RUNX1T1: variants seen among roughly 807,000 people sequenced by gnomAD.
RUNX1T1 encodes protein CBFA2T1.
A neutral mutation model predicts 62.8 loss-of-function variants in RUNX1T1; 4 were observed. The ratio of observed to expected loss-of-function variants is 0.06; its 90% CI spans 0.03 to 0.15. The LOEUF (loss-of-function observed/expected upper bound fraction) is 0.15. RUNX1T1 is among the 10% of genes least tolerant of loss of function. The pLI is 1.00. For missense variants in RUNX1T1, 508 were observed against 754.3 expected (o/e 0.67, Z 3.82); for synonymous variants, 291 against 286.0 (o/e 1.02, Z -0.18).
intron 1 of RUNX1T1, among the ~76,000 whole-genome samples, chr8:92,093,473 A>T (rs1451502759): frequency 1.3e-5 from 2 of 152,224 alleles, no homozygotes; most frequent in Non-Finnish European, 2.9e-5. Context: ...TGAAATACAC[A>T]TATTAATCTA....
rs115735324 is a variant in RUNX1T1 at position 92,047,614 on chromosome 8, G to A, written c.7+14932C>T. 7.8e-3 allele frequency among the ~76,000 whole-genome samples: 1,183 copies of A among 152,190 alleles called. 9 individuals are homozygous for A. Among genetic ancestry groups the A allele is most frequent in the African/African-American group, 0.026 (1,090 of 41,500 alleles). On this transcript the variant is annotated intron_variant, in intron 1 of 10. Transcript: ENST00000396218. ...GAAAAAAGTATAGCATGTATTAAGA[G>A]TTCAATAAATACTTGCTGCATGACT...
chr8:92,025,557 C>A (rs1350553805), intron 1 of RUNX1T1, among the ~76,000 whole-genome samples: 1 of 152,182 alleles, frequency 6.6e-6, no homozygotes, highest in Admixed American at 6.5e-5. Flanking sequence ...AGCCAGAAAC[C>A]TTTTGCTGAC....
chr8:92,056,190 T>C (rs1831006139), intron 1 of RUNX1T1, among the ~76,000 whole-genome samples: 1 of 152,150 alleles, frequency 6.6e-6, no homozygotes, highest in Non-Finnish European at 1.5e-5. Flanking sequence ...ATAACGAGAC[T>C]CTCAAAAGCA....
At chr8:92,092,313 G>A (rs1453869187) in intron 1 of RUNX1T1, among the ~76,000 whole-genome samples, 2 of 152,110 alleles carry the variant, frequency 1.3e-5, no homozygotes, top group East Asian at 1.9e-4. Flanking sequence ...TCCTAGCAAT[G>A]TCACTAGTAA....
intron 1 of RUNX1T1, among the ~76,000 whole-genome samples, chr8:92,076,957 A>T (rs1424800073): frequency 6.6e-6 from 1 of 152,098 alleles, no homozygotes; most frequent in Non-Finnish European, 1.5e-5. Flanking sequence ...AATCATACAC[A>T]TATAAGGTAG....
chr8:92,052,594 A>T (rs144748962), intron 1 of RUNX1T1, among the ~76,000 whole-genome samples: 1 of 152,336 alleles, frequency 6.6e-6, no homozygotes, highest in Non-Finnish European at 1.5e-5. Context: ...AAGGGGCATT[A>T]TCTATAGAAT....
chr8:92,023,333 T>C lies in RUNX1T1; in HGVS notation c.8-5970A>G, dbSNP rs535935463. On this transcript the variant is annotated intron_variant, in intron 1 of 10. Transcript: ENST00000396218. ...ATTCTCTGGTTTCTTTCTATAGATA[T>C]GGCTTATGATCATTACAAACACAAA... Among the ~76,000 whole-genome samples, 63 of 152,358 alleles carry C rather than the reference T, an allele frequency of 4.1e-4. 1 individual carries two copies. Among genetic ancestry groups the C allele is most frequent in the Middle Eastern group, 3.4e-3 (1 of 294 alleles).
At chr8:91,956,924 A>G (rs1393856349), downstream of RUNX1T1, 2 of 199,876 alleles carry the variant, frequency 1.0e-5, no homozygotes, top group Non-Finnish European at 2.1e-5. Context: ...TTGCATAAGT[A>G]AACCAGCCTT....
At chr8:92,026,627 C>G (rs1825200535) in intron 1 of RUNX1T1, among the ~76,000 whole-genome samples, 1 of 151,816 alleles carries the variant, frequency 6.6e-6, no homozygotes, top group Non-Finnish European at 1.5e-5. Flanking sequence ...TGAGACCATC[C>G]TGGCTAACAC....
intron 5 of RUNX1T1, among the ~76,000 whole-genome samples, chr8:91,996,391 C>T (rs138653078): frequency 0.013 from 2,036 of 152,110 alleles, 41 homozygotes; most frequent in African/African-American, 0.045. Context: ...TTAGTAGAGA[C>T]GGGGTTTCAC....
At chr8:92,036,957 C>G (rs1428257902) in intron 1 of RUNX1T1, among the ~76,000 whole-genome samples, 2 of 152,158 alleles carry the variant, frequency 1.3e-5, no homozygotes, top group Non-Finnish European at 1.5e-5. Flanking sequence ...ATGTCCTGAG[C>G]TTCAGATTTG....
rs922240393 is a variant in RUNX1T1, at chr8:91,967,925, G to A, written c.1458+2733C>T. 6.6e-5 allele frequency among the ~76,000 whole-genome samples: 10 copies of A among 152,238 alleles called. 1 individual carries two copies. The highest frequency in any genetic ancestry group is 6.5e-4 in the Admixed American group (10 of 15,288). Reference sequence around the variant, plus strand: ...GTAGGAATACTTTAGTAAATACTGTGATTTTTTAAAAACTGTGGGAAATAT... The same window carrying A: ...GTAGGAATACTTTAGTAAATACTGTAATTTTTTAAAAACTGTGGGAAATAT... On this transcript the variant is annotated intron_variant, in intron 10 of 10. Transcript: ENST00000396218.
intron 2 of RUNX1T1, among the ~76,000 whole-genome samples, chr8:92,068,202 C>A (rs1833156452): frequency 1.3e-5 from 2 of 152,182 alleles, no homozygotes; most frequent in African/African-American, 4.8e-5. Context: ...ACAGTTTTCT[C>A]ATATTTTGTA....
At chr8:91,973,687 G>C (rs965366664) in intron 9 of RUNX1T1, among the ~76,000 whole-genome samples, 1 of 152,024 alleles carries the variant, frequency 6.6e-6, no homozygotes, top group Non-Finnish European at 1.5e-5. Context: ...CAAGCTGAGT[G>C]CAGATGTCAC....
rs571273632 is a variant in RUNX1T1, at chr8:91,962,300, GAAAAACAAAAC to G, written c.1459-1794_1459-1784del. ...AAAAAAGAAATTACAATCCAACACG[GAAAAACAAAAC>G]AAAAACAAAACAAAAACTTAAAATC... On this transcript the variant is annotated intron_variant, in intron 10 of 10. Transcript: ENST00000396218. Among the ~76,000 whole-genome samples the G allele has an allele frequency of 2.5e-3, 383 of 152,194 alleles. 1 individual carries two copies. Among genetic ancestry groups the G allele is most frequent in the Non-Finnish European group, 4.4e-3 (298 of 68,002 alleles).
rs144714864 is a variant in RUNX1T1 at position 92,002,007 on chromosome 8, A to G, written c.659+3109T>C. Among the ~76,000 whole-genome samples, 676 of 152,290 alleles carry G rather than the reference A, an allele frequency of 4.4e-3. 7 individuals are homozygous for G. The highest frequency in any genetic ancestry group is 0.016 in the African/African-American group (649 of 41,562). ...TCTTAGCTTCTACTCTCTATCTGTA[A>G]GAGTGTTCATTTCGTTTACATGGCT... On this transcript the variant is annotated intron_variant, in intron 5 of 10. Transcript: ENST00000396218.
Position 91,991,898 on chromosome 8 carries a change from G to A in RUNX1T1, c.660-9C>T. 3 of 1,612,086 alleles carry A rather than the reference G, an allele frequency of 1.9e-6. No individual in the cohort carries two copies. The highest frequency in any genetic ancestry group is 2.5e-6 in the Non-Finnish European group (3 of 1,179,172). On this transcript the variant is annotated splice_polypyrimidine_tract_variant and intron_variant, in intron 5 of 10. Transcript: ENST00000396218. ...AGCCATTTTCTTTGGTTCTAAAGGG[G>A]GAAAAAACAAGAGTTTGTTTCATCA...
chr8:92,033,956 G>C (rs919741843), intron 1 of RUNX1T1, among the ~76,000 whole-genome samples: 1 of 151,746 alleles, frequency 6.6e-6, no homozygotes, highest in African/African-American at 2.4e-5. Flanking sequence ...GCAATAGAGC[G>C]AGACTCTGTC....
chr8:92,038,219 A>G (rs1827786005), intron 1 of RUNX1T1, among the ~76,000 whole-genome samples: 1 of 152,060 alleles, frequency 6.6e-6, no homozygotes. Flanking sequence ...CCAGCTAATC[A>G]AAATTCTTTT....
Sources: allele counts gnomAD v4.1 joint callset (sites outside exome capture counted in the v4.1 genomes callset), GRCh38; gene constraint gnomAD v4.1.1; transcripts MANE v1.5; gene names NCBI Gene and HGNC (gene_info 2026-07-23, HGNC 2026-07-21).